The following CTSG variants were observed in gnomAD, a reference collection of about 807,000 sequenced individuals.
The protein encoded by CTSG is cathepsin G.
CTSG carries 23 observed loss-of-function variants against 23.0 expected under a neutral mutation model. The observed-to-expected ratio is 1.00, with a 90% confidence interval of 0.72 to 1.42. CTSG has a LOEUF of 1.42. Among genes scored for constraint, CTSG ranks in the 40% most tolerant of loss-of-function variants. The probability of loss-of-function intolerance (pLI) is 0.00; values close to 1 mark genes in which losing one functional copy is unlikely to be tolerated. For missense variants in CTSG, 312 were observed against 326.2 expected (o/e 0.96, Z 0.33); for synonymous variants, 140 against 130.4 (o/e 1.07, Z -0.50).
At chr14:24,574,106 G>A (rs1594806652) in intron 4 of CTSG, 139 bp downstream of exon 4, 1 of 1,109,120 alleles carries the variant, frequency 9.0e-7, no homozygotes, top group East Asian at 2.6e-5. Context: ...CCAGAGACCA[G>A]GTTGATGGGG....
At position 24,573,677 on chromosome 14, in the gene CTSG, C is replaced by T. The variant is rs2066725838; in HGVS notation, c.728G>A (p.Arg243Lys). 6.2e-7 allele frequency: 1 copy of T among 1,613,928 alleles called. No individual in the cohort carries two copies. The highest frequency in any genetic ancestry group is 1.1e-5 in the South Asian group (1 of 91,060). Residue 243 changes from arginine to lysine, a missense_variant, in exon 5 of 5, where the codon AGA (arginine) becomes AAA (lysine). By Grantham distance (26) the Arg-to-Lys change is conservative (BLOSUM62 2). Coordinates refer to ENST00000216336, the MANE Select transcript of CTSG (RefSeq NM_001911.3). ...CATCTGATCCAGCAGTTTGAAGCTT[C>T]TCATTGTTGTCCTTATCCAGGGCAG... ...SFLPWIRTTM[R>K]SFKLLDQMET...
Position 24,573,796 on chromosome 14 carries a change from G to T in CTSG, c.609C>A (p.Gly203=). The change falls in exon 5 of 5, where the codon GGC becomes GGA. Residue 203 remains glycine (G), a synonymous_variant. Coordinates refer to ENST00000216336, the MANE Select transcript of CTSG (RefSeq NM_001911.3). ...RKAAFKGDSG[G]PLLCNNVAHG... ...GGGCCACATTGTTACACAGCAGGGG[G>T]CCTCCGGAATCCCCCTGTAGGTAGA... 6.2e-7 allele frequency: 1 copy of T among 1,613,980 alleles called. No individual in the cohort carries two copies. The highest frequency in any genetic ancestry group is 8.5e-7 in the Non-Finnish European group (1 of 1,179,960).
At chr14:24,575,025 A>C in intron 2 of CTSG, 1 of 699,362 alleles carries the variant, frequency 1.4e-6, no homozygotes, top group East Asian at 2.7e-5. Flanking sequence ...GATTAAGTTG[A>C]TAAATAGCCT....
intron 4 of CTSG, 148 bp from the exon 5 acceptor site, chr14:24,573,958 A>G (rs948960364): frequency 4.8e-5 from 38 of 784,550 alleles, no homozygotes; most frequent in Non-Finnish European, 7.4e-5. Flanking sequence ...TACAGGAGCC[A>G]AGCCTCTGGA....
At position 24,574,434 on chromosome 14, in the gene CTSG, T is replaced by A. The variant is rs958728140; in HGVS notation, c.405A>T (p.Gly135=). The change falls in exon 4 of 5, where the codon GGA becomes GGT. Residue 135 remains glycine (G), a synonymous_variant. Transcript: ENST00000216336. The part of the protein sequence containing the change: ...NPVALPRAQE[G]LRPGTLCTVA... ...CAGTGCACAGCGTCCCGGGTCTCAG[T>A]CCCTCCTGGGCTCTAGGCAGAGCCA... is the stretch of plus-strand genomic sequence containing the variant. 5 of 1,613,738 alleles carry A rather than the reference T, an allele frequency of 3.1e-6. No homozygotes were observed. In the African/African-American group the frequency reaches 6.7e-5, roughly 22 times the overall value.
intron 2 of CTSG, 127 bp from the exon 3 acceptor site, chr14:24,574,937 GC>G: frequency 8.1e-7 from 1 of 1,231,496 alleles, no homozygotes; most frequent in Non-Finnish European, 1.2e-6. Flanking sequence ...GGGCCCTGGG[GC>G]TCAGCTGTAT....
intron 4 of CTSG, 44 bp from the exon 5 acceptor site, chr14:24,573,854 C>T (rs1369825212): frequency 1.3e-6 from 2 of 1,573,020 alleles, no homozygotes. Flanking sequence ...GGCCTCCCTG[C>T]TCCTGCTTCC....
intron 2 of CTSG, chr14:24,575,043 T>C: frequency 1.4e-6 from 1 of 695,864 alleles, no homozygotes; most frequent in Non-Finnish European, 2.4e-6. Flanking sequence ...CCTGAGTTTA[T>C]ATTTTGAGCC....
chr14:24,576,117 C>G lies in CTSG; in HGVS notation c.55+52G>C, dbSNP rs114229747. The stretch of plus-strand genomic sequence containing the variant: ...TAGGATATACCAAGGCAATTTGGCT[C>G]AAGAATCTATGGGATGAGGTCAGGC... On this transcript the variant is annotated intron_variant, in intron 1 of 4. Coordinates refer to ENST00000216336, the MANE Select transcript of CTSG (RefSeq NM_001911.3). 1,005 of 1,551,300 alleles carry G rather than the reference C, an allele frequency of 6.5e-4. 7 individuals carry two copies. The African/African-American group carries it at 0.012, about 19-fold the overall frequency.
chr14:24,573,720 TGAA>T lies in CTSG; in HGVS notation c.682_684del (p.Phe228del), dbSNP rs1259890671. On this transcript the variant is annotated inframe_deletion, in exon 5 of 5. Transcript: ENST00000216336. Reference sequence around the variant, plus strand: ...CAGGGCAGGAAACTTGAGACCCTGGTGAAGACTTCTGGAGGAACCCCTGACGAC... The same window carrying T: ...CAGGGCAGGAAACTTGAGACCCTGGTGACTTCTGGAGGAACCCCTGACGAC... 6 of 1,613,934 alleles carry T rather than the reference TGAA, an allele frequency of 3.7e-6. No homozygotes were observed. In the East Asian group the frequency reaches 1.3e-4, roughly 36 times the overall value.
At chr14:24,575,471 A>G (rs1238191137) in intron 1 of CTSG, 59 bp from the exon 2 acceptor site, 1 of 1,595,154 alleles carries the variant, frequency 6.3e-7, no homozygotes, top group Non-Finnish European at 8.6e-7. Context: ...TGTGGGTACC[A>G]GATTGGTGGC....
Position 24,574,669 on chromosome 14 carries a change from T to C in CTSG, c.339+6A>G. 6.2e-7 allele frequency: 1 copy of C among 1,614,136 alleles called. No homozygotes were observed. Among genetic ancestry groups the C allele is most frequent in the Non-Finnish European group, 8.5e-7 (1 of 1,180,010 alleles). ...GGAAGGAGCCAGAGGGCCAGGTAGG[T>C]GGTACCTGCAATAACATGATGTCAT... On this transcript the variant is annotated splice_donor_region_variant and intron_variant, in intron 3 of 4. Coordinates refer to ENST00000216336, the MANE Select transcript of CTSG (RefSeq NM_001911.3).
intron 3 of CTSG, 46 bp downstream of exon 3, chr14:24,574,629 T>C: frequency 1.9e-6 from 3 of 1,613,900 alleles, no homozygotes; most frequent in Non-Finnish European, 2.5e-6. Flanking sequence ...TCCTCCATTG[T>C]CCCCGGACAC....
chr14:24,575,151 T>C (rs1448051901), intron 2 of CTSG, 114 bp downstream of exon 2: 3 of 1,231,922 alleles, frequency 2.4e-6, no homozygotes, highest in Non-Finnish European at 3.5e-6. Context: ...AAAGACTCAC[T>C]TGGTCTTTCT....
At chr14:24,574,579 C>A in intron 3 of CTSG, 80 bp from the exon 4 acceptor site, 1 of 1,610,752 alleles carries the variant, frequency 6.2e-7, no homozygotes, top group Non-Finnish European at 8.5e-7. Context: ...GTACACATCC[C>A]ATGCCCTCCC....
At chr14:24,575,687 T>C (rs552718263) in intron 1 of CTSG, among the ~76,000 whole-genome samples, 6 of 152,300 alleles carry the variant, frequency 3.9e-5, no homozygotes, top group African/African-American at 1.2e-4. Context: ...ACAACCCTTG[T>C]TCCAGGCAAG....
At chr14:24,576,047 G>T in intron 1 of CTSG, 122 bp downstream of exon 1, 1 of 772,620 alleles carries the variant, frequency 1.3e-6, no homozygotes, top group Non-Finnish European at 2.2e-6. Flanking sequence ...TCATTTTATA[G>T]ATGAGGAAAC....
Position 24,574,424 on chromosome 14 carries a change from C to T in CTSG, c.415G>A (p.Gly139Arg), listed in dbSNP as rs748244767. The part of the protein sequence containing the change: ...LPRAQEGLRP[G>R]TLCTVAGWGR... ...CAGCCGGCCACAGTGCACAGCGTCCCGGGTCTCAGTCCCTCCTGGGCTCTA... is the reference window on the plus strand; with the variant it reads ...CAGCCGGCCACAGTGCACAGCGTCCTGGGTCTCAGTCCCTCCTGGGCTCTA... The change falls in exon 4 of 5, where the codon GGG becomes AGG. Residue 139 changes from glycine to arginine, a missense_variant. Transcript: ENST00000216336. 3.1e-6 allele frequency: 5 copies of T among 1,613,702 alleles called. No homozygotes were observed. Among genetic ancestry groups the T allele is most frequent in the South Asian group, 2.2e-5 (2 of 91,086 alleles).
In CTSG at chr14:24,574,244, C is replaced by T; in HGVS notation, c.594+1G>A. ...TGTGTTGGCCAATGCCCATGCCTTA[C>T]CTTGAAGGCAGCCTTCCGTTCCCGC... On this transcript the variant is annotated splice_donor_variant, in intron 4 of 4. Transcript: ENST00000216336. LOFTEE classifies it high-confidence loss of function. 1.9e-6 allele frequency: 3 copies of T among 1,599,556 alleles called. No homozygotes were observed. The highest frequency in any genetic ancestry group is 2.5e-6 in the Non-Finnish European group (3 of 1,179,868).
Sources: allele counts gnomAD v4.1 joint callset (sites outside exome capture counted in the v4.1 genomes callset), GRCh38; gene constraint gnomAD v4.1.1; transcripts MANE v1.5; gene names NCBI Gene and HGNC (gene_info 2026-07-23, HGNC 2026-07-21).